Variants in COL5A3 observed in about 807,000 individuals in gnomAD.
COL5A3 encodes the protein collagen type V alpha 3 chain.
COL5A3 carries 172 observed loss-of-function variants against 250.0 expected under a neutral mutation model. The ratio of observed to expected loss-of-function variants is 0.69; its 90% CI spans 0.61 to 0.78. The LOEUF (loss-of-function observed/expected upper bound fraction) is 0.78. COL5A3 is among the 30% of genes least tolerant of loss of function. The pLI, the probability that COL5A3 is intolerant of heterozygous loss-of-function variation, is 0.00. For missense variants in COL5A3, 2,340 were observed against 2,334.4 expected (o/e 1.00, Z -0.05); for synonymous variants, 937 against 900.4 (o/e 1.04, Z -0.73).
Position 9,993,078 on chromosome 19 carries a change from G to GTGT in COL5A3, c.1750-12_1750-11insACA, listed in dbSNP as rs1568425352. 49 of 1,613,658 alleles carry GTGT rather than the reference G, an allele frequency of 3.0e-5. No individual in the cohort carries two copies. Among genetic ancestry groups the GTGT allele is most frequent in the Non-Finnish European group, 4.1e-5 (48 of 1,179,822 alleles). Reference sequence around the variant, plus strand: ...AGGTCCCTCTGCTCCCTGTGGAAAAGCGTCATTACTTGGGAACAGGAAGGT... The same window carrying GTGT: ...AGGTCCCTCTGCTCCCTGTGGAAAAGTGTCGTCATTACTTGGGAACAGGAAGGT... On this transcript the variant is annotated splice_polypyrimidine_tract_variant and intron_variant, in intron 19 of 66. Transcript: ENST00000264828.
At chr19:9,974,013 C>G in intron 47 of COL5A3, 41 bp from the exon 48 acceptor site, 1 of 1,525,386 alleles carries the variant, frequency 6.6e-7, no homozygotes, top group Non-Finnish European at 8.8e-7. Flanking sequence ...CCCCAGGCCC[C>G]TCTCCCCAAA....
Position 9,973,982 on chromosome 19 carries a change from G to T in COL5A3, c.3505-10C>A. ...GAGCTCCATGGGGACCCTGTGGAAG[G>T]TCAGAATTAGTACCCAGTGACCCCA... On this transcript the variant is annotated splice_polypyrimidine_tract_variant and intron_variant, in intron 47 of 66. Coordinates refer to ENST00000264828, the MANE Select transcript of COL5A3 (RefSeq NM_015719.4). The T allele has an allele frequency of 6.5e-7, 1 of 1,532,218 alleles. No homozygotes were observed. Among genetic ancestry groups the T allele is most frequent in the Non-Finnish European group, 8.8e-7 (1 of 1,140,620 alleles). 94.9% of individuals were successfully genotyped at this position (1,532,218 alleles called of 1,614,324 possible).
chr19:9,984,080 G>A (rs1426803992), intron 31 of COL5A3, among the ~76,000 whole-genome samples: 1 of 151,816 alleles, frequency 6.6e-6, no homozygotes, highest in African/African-American at 2.4e-5. Context: ...GGTGGAGTAA[G>A]TGGCACGATC....
chr19:9,978,932 G>A lies in COL5A3; in HGVS notation c.2923C>T (p.Leu975Phe), dbSNP rs762021342. ...GPLGKEGPAG[L>F]RGFPGPKGGP... Reference sequence around the variant, plus strand: ...CCTTTGGGGCCGGGAAAGCCCCTGAGTCCAGCTGGCCCTTCTTTCCCAAGG... The same window carrying A: ...CCTTTGGGGCCGGGAAAGCCCCTGAATCCAGCTGGCCCTTCTTTCCCAAGG... Residue 975 changes from leucine (L) to phenylalanine (F), a missense_variant, in exon 40 of 67, where the codon CTC (leucine) becomes TTC (phenylalanine). This residue lies in a region of COL5A3 where 1,179 missense variants were observed against 1,162.6 expected (regional missense o/e 1.01). Transcript: ENST00000264828. 3.9e-6 allele frequency: 6 copies of A among 1,522,378 alleles called. No individual in the cohort carries two copies. The East Asian group carries it at 9.7e-5, about 25-fold the overall frequency. The allele number at this position is 1,522,378 out of a possible 1,614,324, so 94.3% of individuals were successfully genotyped here. A position where few individuals can be genotyped will look rare whatever the true frequency, so the allele number is the denominator to read the frequency against.
At chr19:9,986,036 C>CT (rs1183501222) in intron 30 of COL5A3, 141 bp from the exon 31 acceptor site, 4 of 766,448 alleles carry the variant, frequency 5.2e-6, no homozygotes, top group Non-Finnish European at 8.9e-6. Context: ...CTCCTGCCTG[C>CT]TAGGGGCATG....
At chr19:9,979,958 A>G (rs12609337) in intron 36 of COL5A3, 36 bp downstream of exon 36, 381,351 of 1,574,396 alleles carry the variant, frequency 0.24, 47,636 homozygotes, top group Non-Finnish European at 0.26. Flanking sequence ...CACATCCTCC[A>G]CCCACCCAAC....
At position 9,985,847 on chromosome 19, in the gene COL5A3, G is replaced by C; in HGVS notation, c.2401C>G (p.Pro801Ala). The C allele has an allele frequency of 3.7e-6, 6 of 1,613,510 alleles. No individual in the cohort carries two copies. Among genetic ancestry groups the C allele is most frequent in the Non-Finnish European group, 5.1e-6 (6 of 1,179,614 alleles). ...GLPGYPGRPG[P>A]KGSIGFPGPL... is the part of the protein sequence containing the mutation. ...CCCCACCCCCAGCTTCCTACCTTAGGTCCAGGGCGTCCTGGATAACCTGGG... is the reference window on the plus strand; with the variant it reads ...CCCCACCCCCAGCTTCCTACCTTAGCTCCAGGGCGTCCTGGATAACCTGGG... The change falls in exon 31 of 67, where the codon CCT (proline) becomes GCT (alanine). Residue 801 changes from proline to alanine, a missense_variant. Physicochemically the swap from Pro to Ala is conservative, Grantham distance 27. Transcript: ENST00000264828.
chr19:9,979,209 C>T lies in COL5A3; in HGVS notation c.2797G>A (p.Glu933Lys). The T allele has an allele frequency of 6.2e-7, 1 of 1,606,264 alleles. No individual in the cohort carries two copies. Among genetic ancestry groups the T allele is most frequent in the Non-Finnish European group, 8.5e-7 (1 of 1,177,638 alleles). The change falls in exon 39 of 67, where the codon GAA becomes AAA. Residue 933 changes from glutamate to lysine, a missense_variant. Physicochemically the swap from Glu to Lys is moderately conservative, Grantham distance 56. Transcript: ENST00000264828. Reference protein sequence around the residue: ...GKTGEVGPLGERGPPGPPGPP... With the variant: ...GKTGEVGPLGKRGPPGPPGPP... ...CCAGGGGGGCCTGGAGGCCCCCTTTCACCTAGAGGTCCCACTTCTCCTGTC... is the reference window on the plus strand; with the variant it reads ...CCAGGGGGGCCTGGAGGCCCCCTTTTACCTAGAGGTCCCACTTCTCCTGTC...
intron 54 of COL5A3, among the ~76,000 whole-genome samples, 164 bp downstream of exon 54, chr19:9,970,458 T>TA (rs2086826424): frequency 1.5e-4 from 3 of 20,154 alleles, no homozygotes; most frequent in African/African-American, 2.7e-4. Context: ...GTGGGGTCTG[T>TA]GGGTGTGTGG....
intron 24 of COL5A3, among the ~76,000 whole-genome samples, chr19:9,990,920 C>T (rs977926477): frequency 5.3e-5 from 8 of 152,126 alleles, no homozygotes; most frequent in Non-Finnish European, 1.2e-4. Context: ...TTCACAGCCA[C>T]ACCCCTTTCT....
Position 9,960,031 on chromosome 19 carries a change from G to T in COL5A3, c.*380C>A. 1 of 260,300 alleles carries T rather than the reference G, an allele frequency of 3.8e-6. No homozygotes were observed. Among genetic ancestry groups the T allele is most frequent in the Non-Finnish European group, 7.6e-6 (1 of 131,852 alleles). 16.1% of individuals were successfully genotyped at this position (260,300 alleles called of 1,614,324 possible). ...CTCTGGGGAGGGGTAGCACCAAAAGGTGTGAAGGGCAGCGACGGAGGAGTG... is the reference window on the plus strand; with the variant it reads ...CTCTGGGGAGGGGTAGCACCAAAAGTTGTGAAGGGCAGCGACGGAGGAGTG... On this transcript the variant is annotated 3_prime_UTR_variant, in exon 67 of 67. Transcript: ENST00000264828.
rs1034461758 is a variant in COL5A3, at chr19:9,966,691, G to C, written c.4514C>G (p.Pro1505Arg). The change falls in exon 63 of 67, where the codon CCG (proline) becomes CGG (arginine). Residue 1505 changes from proline (P) to arginine (R), a missense_variant. Coordinates refer to ENST00000264828, the MANE Select transcript of COL5A3 (RefSeq NM_015719.4). ...CAGGCCGCCCTCCACGACTGGAAGC[G>C]GGACTGGGACGAAGCGCCGGCGCCT... ...LRRRRRFVPV[P>R]LPVVEGGLEE... The C allele has an allele frequency of 1.7e-5, 26 of 1,538,426 alleles. No individual in the cohort carries two copies. In the Admixed American group the frequency reaches 2.3e-4, roughly 14 times the overall value.
rs1204749171 is a variant in COL5A3 at position 9,996,704 on chromosome 19, G to A, written c.1264-15C>T. On this transcript the variant is annotated splice_polypyrimidine_tract_variant and intron_variant, in intron 11 of 66. Coordinates refer to ENST00000264828, the MANE Select transcript of COL5A3 (RefSeq NM_015719.4). The stretch of plus-strand genomic sequence containing the variant: ...CCAGCAGGGCCCTGAGAGAGGGATG[G>A]GGGAAGAGAGGTGGAGACAGGGAGA... 2 of 1,590,198 alleles carry A rather than the reference G, an allele frequency of 1.3e-6. No individual in the cohort carries two copies. Among genetic ancestry groups the A allele is most frequent in the Admixed American group, 1.9e-5 (1 of 52,152 alleles).
chr19:9,986,681 C>T, intron 28 of COL5A3, 33 bp downstream of exon 28: 1 of 1,613,816 alleles, frequency 6.2e-7, no homozygotes, highest in Non-Finnish European at 8.5e-7. Flanking sequence ...GATTGGGACT[C>T]CCTCTCCTCT....
In COL5A3 at chr19:9,995,605, G is replaced by A; in HGVS notation, c.1546C>T (p.Leu516=). 3.1e-6 allele frequency: 5 copies of A among 1,601,806 alleles called. No individual in the cohort carries two copies. The highest frequency in any genetic ancestry group is 4.3e-6 in the Non-Finnish European group (5 of 1,174,066). ...CCAGGGGGTCCATGAGGTCCCTGCA[G>A]GCCTCGGGGACCCTAGAAGAAAGCA... ...GAEGPQGPRG[L]QGPHGPPGRV... is the part of the protein sequence containing the mutation. The change falls in exon 16 of 67, where the codon CTG becomes TTG. Residue 516 remains leucine, a synonymous_variant. Coordinates refer to ENST00000264828, the MANE Select transcript of COL5A3 (RefSeq NM_015719.4).
chr19:9,967,715 T>C (rs2086774256), intron 61 of COL5A3, 189 bp downstream of exon 61: 1 of 584,172 alleles, frequency 1.7e-6, no homozygotes, highest in Non-Finnish European at 2.8e-6. Context: ...TGTAAAATAA[T>C]GGTACATCTT....
Position 9,996,530 on chromosome 19 carries a change from A to G in COL5A3, c.1339-14T>C. 1 of 1,614,004 alleles carries G rather than the reference A, an allele frequency of 6.2e-7. No individual in the cohort carries two copies. On this transcript the variant is annotated splice_polypyrimidine_tract_variant and intron_variant, in intron 12 of 66. Transcript: ENST00000264828. Reference sequence around the variant, plus strand: ...TGCAAACTGGAACTGGGAGGAATTTAGTGGTGAGGGAAGCCCCCAGGAGAG... The same window carrying G: ...TGCAAACTGGAACTGGGAGGAATTTGGTGGTGAGGGAAGCCCCCAGGAGAG...
At position 9,969,298 on chromosome 19, in the gene COL5A3, G is replaced by T. The variant is rs1222850654; in HGVS notation, c.4152+51C>A. 4 of 1,505,836 alleles carry T rather than the reference G, an allele frequency of 2.7e-6. No individual in the cohort carries two copies. In the African/African-American group the frequency reaches 4.2e-5, roughly 16 times the overall value. The allele number at this position is 1,505,836 out of a possible 1,614,324, so 93.3% of individuals were successfully genotyped here. On this transcript the variant is annotated intron_variant, in intron 57 of 66. Coordinates refer to ENST00000264828, the MANE Select transcript of COL5A3 (RefSeq NM_015719.4). ...AATGCTCACTAGGTGGTCACTAGGT[G>T]CCCAGAGTGGTCCTCAGAGCCAGAA...
At position 9,989,384 on chromosome 19, in the gene COL5A3, T is replaced by G. The variant is rs1266348251; in HGVS notation, c.2047-18A>C. 10 of 1,614,126 alleles carry G rather than the reference T, an allele frequency of 6.2e-6. No homozygotes were observed. Among genetic ancestry groups the G allele is most frequent in the African/African-American group, 1.3e-5 (1 of 75,046 alleles). ...GGGTGACCCTGGGGAAGAAACATTC[T>G]CAGTTGTCAGAGACCAAAACTTGCC... On this transcript the variant is annotated intron_variant, in intron 25 of 66. Coordinates refer to ENST00000264828, the MANE Select transcript of COL5A3 (RefSeq NM_015719.4).
Sources: allele counts gnomAD v4.1 joint callset (sites outside exome capture counted in the v4.1 genomes callset), GRCh38; gene constraint gnomAD v4.1.1; regional missense constraint gnomAD v4.1.1; transcripts MANE v1.5; gene names NCBI Gene and HGNC (gene_info 2026-07-23, HGNC 2026-07-21).